The following DAAM2 variants were observed in gnomAD, a reference collection of about 807,000 sequenced individuals.
The protein encoded by DAAM2 is disheveled-associated activator of morphogenesis 2.
A neutral mutation model predicts 120.7 loss-of-function variants in DAAM2; 39 were observed. That is an observed-to-expected ratio of 0.32 (90% CI 0.25 to 0.42). The LOEUF (loss-of-function observed/expected upper bound fraction) is 0.42. Among genes scored for constraint, DAAM2 ranks in the 10% least tolerant of loss-of-function variants. The pLI is 1.00. For synonymous variants in DAAM2, 488 were observed against 524.9 expected (o/e 0.93, Z 0.96); for missense variants, 1,283 against 1,401.7 (o/e 0.92, Z 1.35).
chr6:39,867,151 A>G (rs1326256501), intron 5 of DAAM2, among the ~76,000 whole-genome samples: 3 of 152,234 alleles, frequency 2.0e-5, no homozygotes, highest in Non-Finnish European at 4.4e-5. Context: ...TCCTATCTGG[A>G]AGCCCTCTTT....
intron 1 of DAAM2, among the ~76,000 whole-genome samples, chr6:39,837,128 C>T (rs1763131181): frequency 6.6e-6 from 1 of 152,172 alleles, no homozygotes; most frequent in Non-Finnish European, 1.5e-5. Context: ...TTCTCCCTTC[C>T]TATCACTTCC....
At chr6:39,864,925 C>T in intron 4 of DAAM2, 55 bp from the exon 5 acceptor site, 2 of 1,559,198 alleles carry the variant, frequency 1.3e-6, no homozygotes, top group African/African-American at 2.7e-5. Flanking sequence ...CACACCTGAG[C>T]TGTAGTGCAG....
rs989985960 is a variant in DAAM2, at chr6:39,871,649, C to T, written c.1044+77C>T. ...TGGCCCCACAGCCACTTTTCTAGAC[C>T]CCGTGTTGTGGCAGGGCTGGTGTGG... is the stretch of plus-strand genomic sequence containing the variant. On this transcript the variant is annotated intron_variant, in intron 9 of 24. Coordinates refer to ENST00000274867, the MANE Select transcript of DAAM2 (RefSeq NM_001201427.2). 2.2e-6 allele frequency: 3 copies of T among 1,364,426 alleles called. No individual in the cohort carries two copies. The African/African-American group carries it at 4.3e-5, about 20-fold the overall frequency. 84.5% of individuals were successfully genotyped at this position (1,364,426 alleles called of 1,614,324 possible).
At chr6:39,899,341 G>C (rs989384764) in intron 22 of DAAM2, among the ~76,000 whole-genome samples, 4 of 152,222 alleles carry the variant, frequency 2.6e-5, no homozygotes, top group Non-Finnish European at 4.4e-5. Flanking sequence ...TCCTGGGCCA[G>C]TGGAGGACCC....
chr6:39,894,016 C>T (rs76175753), intron 19 of DAAM2, among the ~76,000 whole-genome samples: 10,283 of 152,202 alleles, frequency 0.068, 653 homozygotes, highest in East Asian at 0.25. Context: ...CATGAACTTA[C>T]AATTCTTGAA....
At chr6:39,830,304 A>G (rs575270632) in intron 1 of DAAM2, among the ~76,000 whole-genome samples, 1 of 152,286 alleles carries the variant, frequency 6.6e-6, no homozygotes, top group East Asian at 1.9e-4. Flanking sequence ...AAGTTGCTGA[A>G]AAGCTGGGGC....
rs1367431293 is a variant in DAAM2, at chr6:39,902,445, A to T, written c.*408A>T. 3 of 160,516 alleles carry T rather than the reference A, an allele frequency of 1.9e-5. No individual in the cohort carries two copies. Among genetic ancestry groups the T allele is most frequent in the Non-Finnish European group, 2.7e-5 (2 of 74,140 alleles). The allele number at this position is 160,516 out of a possible 1,614,324, so 9.9% of individuals were successfully genotyped here. On this transcript the variant is annotated 3_prime_UTR_variant, in exon 25 of 25. Coordinates refer to ENST00000274867, the MANE Select transcript of DAAM2 (RefSeq NM_001201427.2). Reference sequence around the variant, plus strand: ...TAGCACGGGGAGCAATGATGGAGGGAGCCCCTGAGAGGGAATCTGGTGAGG... The same window carrying T: ...TAGCACGGGGAGCAATGATGGAGGGTGCCCCTGAGAGGGAATCTGGTGAGG...
intron 1 of DAAM2, among the ~76,000 whole-genome samples, chr6:39,828,598 C>T (rs1762766138): frequency 4.6e-5 from 6 of 130,464 alleles, no homozygotes; most frequent in Admixed American, 4.0e-4. Flanking sequence ...GATTCTTGCT[C>T]TGTCGCCAGG....
Position 39,867,546 on chromosome 6 carries a change from C to T in DAAM2, c.465C>T (p.Thr155=). 1 of 1,614,036 alleles carries T rather than the reference C, an allele frequency of 6.2e-7. No individual in the cohort carries two copies. The highest frequency in any genetic ancestry group is 8.5e-7 in the Non-Finnish European group (1 of 1,179,898). ...GCTTCATTGAGCTGGAGGGCTTGAC[C>T]TGTCTGCTAAATTTCCTCCGGAGCA... ...VTRFIELEGL[T]CLLNFLRSMD... is the part of the protein sequence containing the mutation. Residue 155 remains threonine (T), a synonymous_variant, in exon 6 of 25, where the codon ACC becomes ACT. Coordinates refer to ENST00000274867, the MANE Select transcript of DAAM2 (RefSeq NM_001201427.2).
chr6:39,873,658 G>A (rs762675852), intron 10 of DAAM2, among the ~76,000 whole-genome samples: 1 of 152,220 alleles, frequency 6.6e-6, no homozygotes, highest in Non-Finnish European at 1.5e-5. Context: ...AGCTCATGAC[G>A]GGGGAGAGAT....
chr6:39,892,131 A>G (rs1427984342), intron 19 of DAAM2, among the ~76,000 whole-genome samples: 2 of 152,192 alleles, frequency 1.3e-5, no homozygotes, highest in African/African-American at 2.4e-5. Context: ...TTTAAGTGTG[A>G]GCCATTCAGA....
chr6:39,860,077 A>G (rs549167915), intron 2 of DAAM2, among the ~76,000 whole-genome samples: 53 of 152,344 alleles, frequency 3.5e-4, no homozygotes, highest in Non-Finnish European at 6.3e-4. Context: ...TAGCCCTGGC[A>G]TTGCTCATGA....
At chr6:39,876,161 C>T (rs958389759) in intron 11 of DAAM2, among the ~76,000 whole-genome samples, 2 of 152,290 alleles carry the variant, frequency 1.3e-5, no homozygotes, top group Admixed American at 1.3e-4. Context: ...GATAGAGAAA[C>T]ACAGAGAAAC....
chr6:39,880,023 G>C (rs1208670770), intron 14 of DAAM2: 1 of 185,574 alleles, frequency 5.4e-6, no homozygotes, highest in Non-Finnish European at 1.1e-5. Context: ...CCACAGGTAG[G>C]GCTTGATTCC....
At chr6:39,812,135 C>G (rs926044784) in intron 1 of DAAM2, among the ~76,000 whole-genome samples, 1 of 152,196 alleles carries the variant, frequency 6.6e-6, no homozygotes, top group African/African-American at 2.4e-5. Context: ...CTGCGGACCC[C>G]GGGAGCTAGG....
rs36017416 is a variant in DAAM2 at position 39,903,756 on chromosome 6, A to G, written c.*1719A>G. On this transcript the variant is annotated 3_prime_UTR_variant, in exon 25 of 25. Transcript: ENST00000274867. Reference sequence around the variant, plus strand: ...TGGGACCGTAGTAGCTGCGGGGGGGAAGAAACACAGGGTCGGTGAGCCCAG... The same window carrying G: ...TGGGACCGTAGTAGCTGCGGGGGGGGAGAAACACAGGGTCGGTGAGCCCAG... The G allele has an allele frequency of 0.068, 11,188 of 165,282 alleles. 467 individuals are homozygous for G. Among genetic ancestry groups the G allele is most frequent in the Middle Eastern group, 0.084 (28 of 332 alleles). The allele number at this position is 165,282 out of a possible 1,614,324, so 10.2% of individuals were successfully genotyped here. A position where few individuals can be genotyped will look rare whatever the true frequency, so the allele number is the denominator to read the frequency against.
chr6:39,851,596 G>A (rs767346121), intron 1 of DAAM2, among the ~76,000 whole-genome samples: 8 of 152,196 alleles, frequency 5.3e-5, no homozygotes, highest in Non-Finnish European at 1.2e-4. Context: ...CAGTGGCTAG[G>A]GGTTAGGGTT....
At chr6:39,876,931 C>G (rs1421336592) in intron 11 of DAAM2, among the ~76,000 whole-genome samples, 1 of 152,154 alleles carries the variant, frequency 6.6e-6, no homozygotes, top group Non-Finnish European at 1.5e-5. Flanking sequence ...TAAACAGGCT[C>G]CCTGCTCTCT....
chr6:39,855,173 T>C (rs868311729), intron 1 of DAAM2, among the ~76,000 whole-genome samples: 9 of 152,192 alleles, frequency 5.9e-5, no homozygotes, highest in African/African-American at 2.2e-4. Context: ...GCATAAGCTA[T>C]GGTCTCTCTA....
Sources: gnomAD v4.1 joint callset for allele counts (sites outside exome capture counted in the v4.1 genomes callset) on GRCh38, gnomAD v4.1.1 for gene constraint, MANE v1.5 for transcripts, NCBI Gene and HGNC (gene_info 2026-07-23, HGNC 2026-07-21) for gene names.